Variants in DLC1 observed in about 807,000 individuals in gnomAD.
The protein encoded by DLC1 is DLC1 Rho GTPase activating protein.
A neutral mutation model predicts 140.3 loss-of-function variants in DLC1; 54 were observed. That is an observed-to-expected ratio of 0.38 (90% confidence interval 0.31 to 0.48). The LOEUF is 0.48. Ranked by LOEUF, DLC1 falls within the 20% of genes least tolerant of loss-of-function variation. The probability of loss-of-function intolerance (pLI) is 0.96; values close to 1 mark genes in which losing one functional copy is unlikely to be tolerated. For missense variants in DLC1, 2,536 were observed against 1,907.0 expected (o/e 1.33, Z -6.14); for synonymous variants, 986 against 728.1 (o/e 1.35, Z -5.70).
intron 1 of DLC1, among the ~76,000 whole-genome samples, chr8:13,581,611 T>C (rs945124220): frequency 3.9e-5 from 6 of 152,218 alleles, no homozygotes; most frequent in African/African-American, 9.6e-5. Context: ...GCTTAAACTA[T>C]TGAATTACAT....
chr8:13,556,966 A>G (rs1450132527), intron 1 of DLC1, among the ~76,000 whole-genome samples: 1 of 152,208 alleles, frequency 6.6e-6, no homozygotes, highest in Non-Finnish European at 1.5e-5. Context: ...GTTATGACAG[A>G]CAGTTAGCAA....
At chr8:13,265,159 GA>G (rs1830633286) in intron 5 of DLC1, among the ~76,000 whole-genome samples, 1 of 152,084 alleles carries the variant, frequency 6.6e-6, no homozygotes, top group Non-Finnish European at 1.5e-5. Flanking sequence ...TAAAAACATA[GA>G]CTTTATTTTG....
At chr8:13,430,257 G>T (rs1563339745) in intron 2 of DLC1, among the ~76,000 whole-genome samples, 1 of 152,112 alleles carries the variant, frequency 6.6e-6, no homozygotes, top group Non-Finnish European at 1.5e-5. Flanking sequence ...GATCCAATAG[G>T]TTTATCTGAA....
In DLC1 at chr8:13,295,978, A is replaced by G. The variant is rs10089698; in HGVS notation, c.1348+9291T>C. Among the ~76,000 whole-genome samples the G allele has an allele frequency of 3.6e-3, 394 of 110,128 alleles. 2 individuals are homozygous for G. The highest frequency in any genetic ancestry group is 0.014 in the African/African-American group (381 of 28,092). The allele number at this position is 110,128 out of a possible 152,430, so 72.2% of individuals were successfully genotyped here. ...TTTTTTTTTTTTTTTTTGGAGACAG[A>G]GTCTCATTCTATTGCCCAGGCTGGA... is the stretch of plus-strand genomic sequence containing the variant. On this transcript the variant is annotated intron_variant, in intron 5 of 17. Coordinates refer to ENST00000276297, the MANE Select transcript of DLC1 (RefSeq NM_182643.3).
intron 10 of DLC1, 51 bp downstream of exon 10, chr8:13,098,348 G>T: frequency 6.2e-7 from 1 of 1,602,774 alleles, no homozygotes; most frequent in South Asian, 1.1e-5. Flanking sequence ...TCAAGGAACT[G>T]ACCAAAAATA....
At chr8:13,176,145 G>A (rs746169786) in intron 5 of DLC1, among the ~76,000 whole-genome samples, 1 of 152,104 alleles carries the variant, frequency 6.6e-6, no homozygotes, top group Non-Finnish European at 1.5e-5. Context: ...TTATAGTCAG[G>A]TCAGGACCTG....
In DLC1 at chr8:13,423,696, C is replaced by T. The variant is rs370368595; in HGVS notation, c.1024-22077G>A. ...CTGAATTTGATAAAATTCTTATTTA[C>T]ATTTTATTCAACCACAGATGTTTAC... On this transcript the variant is annotated intron_variant, in intron 2 of 17. Transcript: ENST00000276297. 3.9e-5 allele frequency among the ~76,000 whole-genome samples: 6 copies of T among 152,130 alleles called. No individual in the cohort carries two copies. The East Asian group carries it at 1.2e-3, about 29-fold the overall frequency.
intron 1 of DLC1, among the ~76,000 whole-genome samples, chr8:13,520,188 G>A (rs1395503533): frequency 1.3e-5 from 2 of 152,126 alleles, no homozygotes; most frequent in Admixed American, 6.6e-5. Flanking sequence ...GTTTATTGTG[G>A]CAATATTCAC....
chr8:13,111,982 C>CA (rs949795473), intron 6 of DLC1, among the ~76,000 whole-genome samples: 5 of 151,352 alleles, frequency 3.3e-5, no homozygotes, highest in African/African-American at 7.3e-5. Flanking sequence ...CTTGTCTCTA[C>CA]AAAAAAAATC....
At chr8:13,112,164 A>C (rs1820171744) in intron 6 of DLC1, among the ~76,000 whole-genome samples, 1 of 152,082 alleles carries the variant, frequency 6.6e-6, no homozygotes, top group South Asian at 2.1e-4. Context: ...AAAATAAATA[A>C]AAAGTAAAAA....
chr8:13,228,192 T>C (rs1302485142), intron 5 of DLC1, among the ~76,000 whole-genome samples: 2 of 152,006 alleles, frequency 1.3e-5, no homozygotes, highest in Non-Finnish European at 2.9e-5. Flanking sequence ...TATTAGGGGA[T>C]TTTTTGGGGG....
chr8:13,120,888 A>G (rs892129431), intron 5 of DLC1, among the ~76,000 whole-genome samples: 1 of 152,090 alleles, frequency 6.6e-6, no homozygotes, highest in African/African-American at 2.4e-5. Flanking sequence ...AGTAAGCTGA[A>G]CAAAAACTCC....
chr8:13,288,049 TATA>T (rs913951882), intron 5 of DLC1, among the ~76,000 whole-genome samples: 2 of 152,148 alleles, frequency 1.3e-5, no homozygotes, highest in African/African-American at 4.8e-5. Flanking sequence ...ATGGTTGAAT[TATA>T]ATAAATCAGA....
intron 5 of DLC1, among the ~76,000 whole-genome samples, chr8:13,294,988 A>T (rs1454373404): frequency 6.6e-6 from 1 of 152,232 alleles, no homozygotes; most frequent in Non-Finnish European, 1.5e-5. Context: ...CAATTCAGTT[A>T]TTCATTCCAC....
chr8:13,581,921 GA>G (rs955350034), intron 1 of DLC1, among the ~76,000 whole-genome samples: 11 of 151,988 alleles, frequency 7.2e-5, no homozygotes, highest in Admixed American at 3.9e-4. Context: ...AGGCAGCTAG[GA>G]AAAAAAATTT....
chr8:13,452,019 T>A (rs1799086173), intron 2 of DLC1, among the ~76,000 whole-genome samples: 2 of 152,262 alleles, frequency 1.3e-5, no homozygotes, highest in Admixed American at 6.5e-5. Context: ...GCTATTTTTT[T>A]AAATCAGACT....
intron 2 of DLC1, among the ~76,000 whole-genome samples, chr8:13,449,047 A>T (rs999428147): frequency 6.6e-6 from 1 of 152,214 alleles, no homozygotes; most frequent in Non-Finnish European, 1.5e-5. Context: ...ACTGAAAAAA[A>T]CAATTTAATG....
intron 3 of DLC1, 68 bp from the exon 4 acceptor site, chr8:13,393,761 C>G (rs1356297911): frequency 5.2e-6 from 8 of 1,543,106 alleles, no homozygotes; most frequent in African/African-American, 2.7e-5. Flanking sequence ...CTTCCTACCA[C>G]CAGAACTTTG....
At position 13,321,262 on chromosome 8, in the gene DLC1, C is replaced by T. The variant is rs145814578; in HGVS notation, c.1315-15960G>A. Among the ~76,000 whole-genome samples the T allele has an allele frequency of 3.5e-3, 537 of 152,134 alleles. 1 individual carries two copies. The highest frequency in any genetic ancestry group is 5.5e-3 in the Non-Finnish European group (375 of 67,996). ...GTGATTCAAAAATGAAATACTGGCC[C>T]GGCGCAATGGCTCATGCCTGTAATC... On this transcript the variant is annotated intron_variant, in intron 4 of 17. Coordinates refer to ENST00000276297, the MANE Select transcript of DLC1 (RefSeq NM_182643.3).
Sources: gnomAD v4.1 joint callset for allele counts (sites outside exome capture counted in the v4.1 genomes callset) on GRCh38, gnomAD v4.1.1 for gene constraint, MANE v1.5 for transcripts, NCBI Gene and HGNC (gene_info 2026-07-23, HGNC 2026-07-21) for gene names.